Variants in RAB20 observed in about 807,000 individuals in gnomAD.
RAB20 encodes the protein RAB20, member RAS oncogene family.
Under a neutral mutation model 3.7 loss-of-function variants are expected in RAB20, and 2 were observed. That is an observed-to-expected ratio of 0.54 (90% CI 0.22 to 1.69). RAB20 has a LOEUF of 1.69. Ranked by LOEUF, RAB20 falls within the 40% of genes most tolerant of loss-of-function variation. RAB20 has a pLI of 0.19. For missense variants in RAB20, 276 were observed against 311.9 expected (o/e 0.88, Z 0.87); for synonymous variants, 126 against 130.8 (o/e 0.96, Z 0.25).
At chr13:110,534,466 C>T (rs993813839) in intron 1 of RAB20, among the ~76,000 whole-genome samples, 3 of 152,200 alleles carry the variant, frequency 2.0e-5, no homozygotes, top group Non-Finnish European at 2.9e-5. Context: ...ACGAGTGTGC[C>T]GGTCAAGGGT....
Position 110,546,720 on chromosome 13 carries a change from T to G in RAB20, c.172+14628A>C, listed in dbSNP as rs201423454. 7.3e-4 allele frequency among the ~76,000 whole-genome samples: 83 copies of G among 113,902 alleles called. 1 individual carries two copies. The highest frequency in any genetic ancestry group is 2.5e-3 in the East Asian group (10 of 3,944). 74.7% of individuals were successfully genotyped at this position (113,902 alleles called of 152,430 possible). ...CTTCTGTTTTTTTTTGTTTTTTGGG[T>G]TTTTTGTTTGTTTGTTTGTTTGTTT... On this transcript the variant is annotated intron_variant, in intron 1 of 1. Coordinates refer to ENST00000267328, the MANE Select transcript of RAB20 (RefSeq NM_017817.3).
At chr13:110,546,750 GTTTTT>G (rs1476434421) in intron 1 of RAB20, among the ~76,000 whole-genome samples, 1 of 100,752 alleles carries the variant, frequency 9.9e-6, no homozygotes. Context: ...TTGTTTGTTT[GTTTTT>G]GAGACAGGGT....
At chr13:110,532,798 C>G (rs1884566305) in intron 1 of RAB20, among the ~76,000 whole-genome samples, 1 of 152,190 alleles carries the variant, frequency 6.6e-6, no homozygotes, top group Non-Finnish European at 1.5e-5. Flanking sequence ...CCCAACTCAG[C>G]CTCCCGAGTA....
At chr13:110,554,766 A>C (rs946479580) in intron 1 of RAB20, among the ~76,000 whole-genome samples, 6 of 152,246 alleles carry the variant, frequency 3.9e-5, no homozygotes, top group African/African-American at 1.4e-4. Flanking sequence ...CATTTGCTGC[A>C]GAGCCCAGCC....
chr13:110,534,088 A>G (rs1402917128), intron 1 of RAB20, among the ~76,000 whole-genome samples: 2 of 152,172 alleles, frequency 1.3e-5, no homozygotes, highest in Non-Finnish European at 2.9e-5. Context: ...ATGGCTGGGA[A>G]GGTGTTTTTT....
Position 110,523,803 on chromosome 13 carries a change from A to G in RAB20, c.567T>C (p.Asn189=). Residue 189 remains asparagine, a synonymous_variant, in exon 2 of 2, where the codon AAT becomes AAC. Coordinates refer to ENST00000267328, the MANE Select transcript of RAB20 (RefSeq NM_017817.3). ...AGAGGGTCTCAAACAGGAGGTCCAC[A>G]TTGTAGCCGGTCTTGGCGCTGGTCT... is the stretch of plus-strand genomic sequence containing the variant. The part of the protein sequence containing the change: ...CFETSAKTGY[N]VDLLFETLFD... 1 of 1,614,194 alleles carries G rather than the reference A, an allele frequency of 6.2e-7. No individual in the cohort carries two copies. The highest frequency in any genetic ancestry group is 8.5e-7 in the Non-Finnish European group (1 of 1,180,040).
At chr13:110,526,367 G>C (rs1884431280) in intron 1 of RAB20, among the ~76,000 whole-genome samples, 1 of 152,224 alleles carries the variant, frequency 6.6e-6, no homozygotes, top group Non-Finnish European at 1.5e-5. Context: ...TTAAAAAGAA[G>C]CTAACAATGT....
Position 110,561,620 on chromosome 13 carries a change from G to A in RAB20, c.-101C>T. 6.1e-6 allele frequency: 9 copies of A among 1,479,976 alleles called. No homozygotes were observed. The highest frequency in any genetic ancestry group is 8.0e-6 in the Non-Finnish European group (9 of 1,118,142). 91.7% of individuals were successfully genotyped at this position (1,479,976 alleles called of 1,614,324 possible). On this transcript the variant is annotated 5_prime_UTR_variant, in exon 1 of 2. Coordinates refer to ENST00000267328, the MANE Select transcript of RAB20 (RefSeq NM_017817.3). The stretch of plus-strand genomic sequence containing the variant: ...GAGGAGCGGACCCCGGACTCGCCGG[G>A]ACCCGGATTCTCGTGAACGCTCCGG...
intron 1 of RAB20, among the ~76,000 whole-genome samples, chr13:110,533,706 T>A (rs56663276): frequency 0.057 from 7,686 of 135,218 alleles, 640 homozygotes; most frequent in African/African-American, 0.2. Context: ...GAATGGGATG[T>A]GGAAGCAACC....
intron 1 of RAB20, among the ~76,000 whole-genome samples, chr13:110,528,724 G>C (rs1327978758): frequency 2.6e-5 from 4 of 152,154 alleles, no homozygotes; most frequent in Middle Eastern, 3.4e-3. Flanking sequence ...TTCCATTCCA[G>C]ATAAAAATGC....
chr13:110,527,272 C>T (rs1172670968), intron 1 of RAB20, among the ~76,000 whole-genome samples: 3 of 152,134 alleles, frequency 2.0e-5, no homozygotes, highest in South Asian at 2.1e-4. Context: ...TGGAGAGAGG[C>T]GCCCACAGAG....
Position 110,523,104 on chromosome 13 carries a change from C to T in RAB20, c.*561G>A. ...AAATCCTCTTTAATAATACATGTAG[C>T]CAACATTGCTGCAATCAGTATAAAA... On this transcript the variant is annotated 3_prime_UTR_variant, in exon 2 of 2. Transcript: ENST00000267328. 1 of 392,634 alleles carries T rather than the reference C, an allele frequency of 2.5e-6. No individual in the cohort carries two copies. The highest frequency in any genetic ancestry group is 4.4e-5 in the Admixed American group (1 of 22,584). The allele number at this position is 392,634 out of a possible 1,614,324, so 24.3% of individuals were successfully genotyped here.
intron 1 of RAB20, among the ~76,000 whole-genome samples, chr13:110,528,680 G>A (rs980028248): frequency 1.8e-4 from 28 of 152,164 alleles, no homozygotes; most frequent in Non-Finnish European, 8.8e-5. Flanking sequence ...GGGCCAAAGG[G>A]AGAACCGTGT....
At chr13:110,530,150 C>T (rs1316242226) in intron 1 of RAB20, among the ~76,000 whole-genome samples, 1 of 151,032 alleles carries the variant, frequency 6.6e-6, no homozygotes, top group Non-Finnish European at 1.5e-5. Context: ...GACACAGGGC[C>T]CCGGGGAGGC....
intron 1 of RAB20, among the ~76,000 whole-genome samples, chr13:110,525,175 C>T (rs1415728712): frequency 2.0e-5 from 3 of 152,338 alleles, no homozygotes; most frequent in Non-Finnish European, 4.4e-5. Context: ...GGCACACACA[C>T]TTTCCATGAG....
At chr13:110,549,720 ATT>A (rs11408895) in intron 1 of RAB20, among the ~76,000 whole-genome samples, 2 of 146,762 alleles carry the variant, frequency 1.4e-5, no homozygotes, top group Non-Finnish European at 3.0e-5. Context: ...ACTTTTTTAA[ATT>A]TTTTTTTTTT....
At chr13:110,527,510 C>T (rs1334609799) in intron 1 of RAB20, among the ~76,000 whole-genome samples, 5 of 152,152 alleles carry the variant, frequency 3.3e-5, no homozygotes, top group South Asian at 4.1e-4. Flanking sequence ...GAGAGCTACC[C>T]GGGTCACCTC....
intron 1 of RAB20, among the ~76,000 whole-genome samples, chr13:110,558,671 C>T (rs138294631): frequency 5.3e-5 from 8 of 150,582 alleles, no homozygotes; most frequent in Admixed American, 1.3e-4. Flanking sequence ...CATGAGCCAC[C>T]GCGCAGCCCT....
chr13:110,553,669 G>C (rs9521836), intron 1 of RAB20, among the ~76,000 whole-genome samples: 1 of 152,118 alleles, frequency 6.6e-6, no homozygotes, highest in Admixed American at 6.5e-5. Context: ...CCCCAGATCT[G>C]TAGAAAGACC....
Sources: gnomAD v4.1 joint callset for allele counts (sites outside exome capture counted in the v4.1 genomes callset) on GRCh38, gnomAD v4.1.1 for gene constraint, MANE v1.5 for transcripts, NCBI Gene and HGNC (gene_info 2026-07-23, HGNC 2026-07-21) for gene names.